The following CCDC57 variants were observed in gnomAD, a reference collection of about 807,000 sequenced individuals.
CCDC57 encodes coiled-coil domain containing 57.
A neutral mutation model predicts 118.9 loss-of-function variants in CCDC57; 118 were observed. The ratio of observed to expected loss-of-function variants is 0.99; its 90% CI spans 0.86 to 1.16. CCDC57 has a LOEUF of 1.16. Ranked by LOEUF, CCDC57 falls within the 50% of genes most tolerant of loss-of-function variation. The probability of loss-of-function intolerance (pLI) is 0.00; values close to 1 mark genes in which losing one functional copy is unlikely to be tolerated. For missense variants in CCDC57, 1,300 were observed against 1,320.7 expected (o/e 0.98, Z 0.24); for synonymous variants, 527 against 532.9 (o/e 0.99, Z 0.15).
At position 82,134,067 on chromosome 17, in the gene CCDC57, T is replaced by C. The variant is rs1424220577; in HGVS notation, c.2577+6A>G. 1 of 1,390,972 alleles carries C rather than the reference T, an allele frequency of 7.2e-7. No individual in the cohort carries two copies. The allele number at this position is 1,390,972 out of a possible 1,614,324, so 86.2% of individuals were successfully genotyped here. The stretch of plus-strand genomic sequence containing the variant: ...AAAATGCATGTCTTAGATGAAGGGG[T>C]GTTACCTGAGATGTAAAATGGGGCT... On this transcript the variant is annotated splice_donor_region_variant and intron_variant, in intron 17 of 19. Coordinates refer to ENST00000665763, the Ensembl canonical transcript of CCDC57.
intron 19 of CCDC57, among the ~76,000 whole-genome samples, chr17:82,122,656 G>T (rs993981838): frequency 6.6e-6 from 1 of 152,200 alleles, no homozygotes; most frequent in Admixed American, 6.5e-5. Flanking sequence ...CAGCTTGCAG[G>T]CTGGGCAAGT....
intron 13 of CCDC57, among the ~76,000 whole-genome samples, chr17:82,165,278 CT>C (rs1388624834): frequency 1.3e-5 from 2 of 152,212 alleles, no homozygotes; most frequent in African/African-American, 4.8e-5. Flanking sequence ...GACGGAGCCC[CT>C]ACAGTCCACC....
chr17:82,125,857 G>A (rs572853015), intron 19 of CCDC57, among the ~76,000 whole-genome samples: 2 of 152,272 alleles, frequency 1.3e-5, no homozygotes, highest in Admixed American at 6.5e-5. Flanking sequence ...GAGAGTGGCC[G>A]AACGAACCGT....
intron 19 of CCDC57, among the ~76,000 whole-genome samples, chr17:82,124,785 G>C (rs1366159221): frequency 6.6e-6 from 1 of 151,762 alleles, no homozygotes; most frequent in East Asian, 1.9e-4. Flanking sequence ...GACAGAATGG[G>C]ACACTGTCTC....
chr17:82,107,367 G>A (rs769013831), intron 19 of CCDC57: 36 of 287,612 alleles, frequency 1.3e-4, no homozygotes, highest in South Asian at 3.9e-4. Context: ...CACAGATGCC[G>A]CGGGAGTGGG....
intron 11 of CCDC57, among the ~76,000 whole-genome samples, chr17:82,176,110 C>T (rs1269551983): frequency 2.0e-5 from 3 of 152,152 alleles, no homozygotes; most frequent in Non-Finnish European, 4.4e-5. Context: ...CCCTCATGAC[C>T]TTTGGAACAC....
intron 11 of CCDC57, among the ~76,000 whole-genome samples, chr17:82,176,471 C>T (rs1034948833): frequency 2.6e-5 from 4 of 152,194 alleles, no homozygotes; most frequent in Admixed American, 6.5e-5. Flanking sequence ...CTTGATGCAC[C>T]GCTACCTTTC....
intron 18 of CCDC57, 116 bp downstream of exon 17, chr17:82,128,377 C>G (rs2037795709): frequency 4.3e-6 from 3 of 691,418 alleles, no homozygotes; most frequent in Non-Finnish European, 7.2e-6. Flanking sequence ...GATGACGGCA[C>G]AAAGGCAGGC....
At position 82,128,045 on chromosome 17, in the gene CCDC57, T is replaced by C; in HGVS notation, c.2683-137A>G. ...AAGGCCCAGGCAGATGCTCCCAGGA[T>C]CACCCAGGAGAGGCAGCTGCAGACA... On this transcript the variant is annotated intron_variant, in intron 18 of 19. Transcript: ENST00000665763. 3.1e-6 allele frequency: 4 copies of C among 1,294,496 alleles called. 1 individual carries two copies. The South Asian group carries it at 5.8e-5, about 19-fold the overall frequency. 80.2% of individuals were successfully genotyped at this position (1,294,496 alleles called of 1,614,324 possible).
chr17:82,188,618 G>A (rs568001686), intron 7 of CCDC57, among the ~76,000 whole-genome samples, 199 bp from the exon 7 acceptor site: 1 of 152,234 alleles, frequency 6.6e-6, no homozygotes, highest in Admixed American at 6.5e-5. Context: ...TCGATGCCAG[G>A]CCCCTGGCCT....
At chr17:82,131,004 G>A (rs2038279105) in intron 17 of CCDC57, among the ~76,000 whole-genome samples, 1 of 150,760 alleles carries the variant, frequency 6.6e-6, no homozygotes, top group South Asian at 2.1e-4. Flanking sequence ...GTAGAGACGA[G>A]GTTTTGCCAT....
At chr17:82,115,099 G>A (rs2144986802) in intron 19 of CCDC57, among the ~76,000 whole-genome samples, 1 of 152,362 alleles carries the variant, frequency 6.6e-6, no homozygotes, top group Non-Finnish European at 1.5e-5. Flanking sequence ...TGGATCCAGG[G>A]CTTGGATTCA....
chr17:82,130,442 G>A (rs1438305209), intron 17 of CCDC57, among the ~76,000 whole-genome samples: 5 of 148,808 alleles, frequency 3.4e-5, no homozygotes, highest in African/African-American at 9.9e-5. Flanking sequence ...TAATCTGCTC[G>A]CCTTGGCCCC....
rs367617163 is a variant in CCDC57 at position 82,104,583 on chromosome 17, G to A, written c.2900-2717C>T. 1.2e-3 allele frequency among the ~76,000 whole-genome samples: 184 copies of A among 152,284 alleles called. 2 individuals are homozygous for A. The highest frequency in any genetic ancestry group is 4.1e-3 in the African/African-American group (169 of 41,554). ...AGACGGAGTCTCACTCTGTCGCCCA[G>A]GCTGGAGTGCAGTGGCGTGATCTCA... is the stretch of plus-strand genomic sequence containing the variant. On this transcript the variant is annotated intron_variant, in intron 19 of 19. Coordinates refer to ENST00000665763, the Ensembl canonical transcript of CCDC57.
rs566701168 is a variant in CCDC57 at position 82,107,499 on chromosome 17, C to T, written c.2900-5633G>A. 3.3e-4 allele frequency: 157 copies of T among 470,746 alleles called. 1 individual carries two copies. The highest frequency in any genetic ancestry group is 2.7e-3 in the African/African-American group (137 of 50,192). The allele number at this position is 470,746 out of a possible 1,614,324, so 29.2% of individuals were successfully genotyped here. The stretch of plus-strand genomic sequence containing the variant: ...GCGAGGTTAGCATCAGGGGCCAAAG[C>T]GGACCCCCGCCAGAAAGGAGGAAGA... On this transcript the variant is annotated intron_variant, in intron 19 of 19. Coordinates refer to ENST00000665763, the Ensembl canonical transcript of CCDC57.
Position 82,103,414 on chromosome 17 carries a change from ATC to A in CCDC57, c.2900-1550_2900-1549del, listed in dbSNP as rs574680916. ...CTTCACACAAAGGCTACCACCCTTTATCTCTCAACAATAAGCCTGCCTGACCT... is the reference window on the plus strand; with the variant it reads ...CTTCACACAAAGGCTACCACCCTTTATCTCAACAATAAGCCTGCCTGACCT... On this transcript the variant is annotated intron_variant, in intron 19 of 19. Coordinates refer to ENST00000665763, the Ensembl canonical transcript of CCDC57. Among the ~76,000 whole-genome samples the A allele has an allele frequency of 8.6e-3, 1,305 of 152,228 alleles. 7 individuals carry two copies. The highest frequency in any genetic ancestry group is 0.017 in the Middle Eastern group (5 of 294).
chr17:82,176,998 C>A (rs1172401930), intron 11 of CCDC57, among the ~76,000 whole-genome samples: 1 of 152,124 alleles, frequency 6.6e-6, no homozygotes, highest in African/African-American at 2.4e-5. Flanking sequence ...GTAATCCCAG[C>A]ACTTTGGGAG....
chr17:82,173,138 G>A (rs754522477), intron 11 of CCDC57, among the ~76,000 whole-genome samples: 6 of 152,180 alleles, frequency 3.9e-5, no homozygotes, highest in Non-Finnish European at 8.8e-5. Context: ...GGCTGTGGGC[G>A]GGGAGGGGGA....
At chr17:82,180,484 G>GT (rs1251937687) in intron 9 of CCDC57, among the ~76,000 whole-genome samples, 2 of 152,028 alleles carry the variant, frequency 1.3e-5, no homozygotes, top group Non-Finnish European at 2.9e-5. Flanking sequence ...TTATTTTTAG[G>GT]TTTTTTTTGG....
Sources: allele counts gnomAD v4.1 joint callset (sites outside exome capture counted in the v4.1 genomes callset), GRCh38; gene constraint gnomAD v4.1.1; transcripts MANE v1.5; gene names NCBI Gene and HGNC (gene_info 2026-07-23, HGNC 2026-07-21).